Variants in ANKH observed in about 807,000 individuals in gnomAD.
ANKH encodes the protein ANKH inorganic pyrophosphate transport regulator.
A neutral mutation model predicts 49.0 loss-of-function variants in ANKH; 15 were observed. That is an observed-to-expected ratio of 0.31 (90% CI 0.20 to 0.47). ANKH has a LOEUF of 0.47. Ranked by LOEUF, ANKH falls within the 20% of genes least tolerant of loss-of-function variation. ANKH has a pLI of 1.00. For missense variants in ANKH, 429 were observed against 652.0 expected (o/e 0.66, Z 3.72); for synonymous variants, 273 against 260.0 (o/e 1.05, Z -0.48).
chr5:14,841,190 C>T (rs1187629702), intron 1 of ANKH, among the ~76,000 whole-genome samples: 1 of 151,914 alleles, frequency 6.6e-6, no homozygotes, highest in Admixed American at 6.6e-5. Flanking sequence ...AAAACTTAGG[C>T]CTCTTAAGAG....
At chr5:14,730,852 T>G (rs1050614622) in intron 8 of ANKH, among the ~76,000 whole-genome samples, 1 of 152,130 alleles carries the variant, frequency 6.6e-6, no homozygotes. Context: ...CGGGTTCCAC[T>G]GGGATGAGGG....
chr5:14,866,325 GA>G (rs1480639659), intron 1 of ANKH, among the ~76,000 whole-genome samples: 1 of 152,206 alleles, frequency 6.6e-6, no homozygotes, highest in Non-Finnish European at 1.5e-5. Context: ...CTTTGAGCAT[GA>G]AAGAGTAGAT....
chr5:14,789,771 T>C (rs889836413), intron 1 of ANKH, among the ~76,000 whole-genome samples: 7 of 152,130 alleles, frequency 4.6e-5, no homozygotes, highest in African/African-American at 1.7e-4. Flanking sequence ...AGTGCAGTGG[T>C]GCGATCTCAG....
chr5:14,718,119 TAG>T (rs1232187776), intron 8 of ANKH, among the ~76,000 whole-genome samples: 1 of 152,118 alleles, frequency 6.6e-6, no homozygotes, highest in African/African-American at 2.4e-5. Context: ...TCCTGAAAAT[TAG>T]AGTCTCCCAA....
chr5:14,820,963 G>T (rs1224695326), intron 1 of ANKH, among the ~76,000 whole-genome samples: 1 of 152,076 alleles, frequency 6.6e-6, no homozygotes, highest in Non-Finnish European at 1.5e-5. Flanking sequence ...GCTGGGGGTG[G>T]TGGTGACACT....
At chr5:14,814,373 G>T (rs1277859997) in intron 1 of ANKH, among the ~76,000 whole-genome samples, 1 of 152,244 alleles carries the variant, frequency 6.6e-6, no homozygotes, top group Non-Finnish European at 1.5e-5. Flanking sequence ...GGCTGAGGCA[G>T]GAGGACTGTT....
In ANKH at chr5:14,871,520, GGGGCGA is replaced by G; in HGVS notation, c.-79_-74del. The stretch of plus-strand genomic sequence containing the variant: ...ACTCTGCGGGGAGGCGAGGGGCGAC[GGGGCGA>G]CGGGGCGAGCGGGGCGCGGGCCGAC... On this transcript the variant is annotated 5_prime_UTR_variant, in exon 1 of 12. Coordinates refer to ENST00000284268, the MANE Select transcript of ANKH (RefSeq NM_054027.6). 9.2e-7 allele frequency: 1 copy of G among 1,081,388 alleles called. No individual in the cohort carries two copies. Among genetic ancestry groups the G allele is most frequent in the Non-Finnish European group, 1.2e-6 (1 of 805,418 alleles). 67.0% of individuals were successfully genotyped at this position (1,081,388 alleles called of 1,614,324 possible).
At chr5:14,839,520 A>C (rs187198725) in intron 1 of ANKH, among the ~76,000 whole-genome samples, 3 of 151,654 alleles carry the variant, frequency 2.0e-5, no homozygotes, top group Admixed American at 1.3e-4. Flanking sequence ...AAAAAAAAAA[A>C]AAACCCACAG....
chr5:14,709,827 G>C lies in ANKH; in HGVS notation c.*1370C>G, dbSNP rs191464917. ...CAAGCAATCACCGTATTGTATTAGA[G>C]ACATTTTATTGAAAATGCGAAAATA... On this transcript the variant is annotated 3_prime_UTR_variant, in exon 12 of 12. Coordinates refer to ENST00000284268, the MANE Select transcript of ANKH (RefSeq NM_054027.6). 3.5e-4 allele frequency: 53 copies of C among 152,682 alleles called. No homozygotes were observed. Among genetic ancestry groups the C allele is most frequent in the Non-Finnish European group, 6.6e-4 (45 of 68,020 alleles). The allele number at this position is 152,682 out of a possible 1,614,324, so 9.5% of individuals were successfully genotyped here.
chr5:14,720,752 A>G (rs1737632894), intron 8 of ANKH, among the ~76,000 whole-genome samples: 1 of 152,244 alleles, frequency 6.6e-6, no homozygotes. Flanking sequence ...GGGAACCATT[A>G]GCATGCTTTA....
chr5:14,762,783 A>G (rs1462319355), intron 2 of ANKH, among the ~76,000 whole-genome samples: 2 of 152,190 alleles, frequency 1.3e-5, no homozygotes, highest in Admixed American at 1.3e-4. Flanking sequence ...AGAGTCCATA[A>G]TTACCAGGCT....
intron 1 of ANKH, among the ~76,000 whole-genome samples, chr5:14,783,313 C>T (rs1037188101): frequency 1.3e-5 from 2 of 151,668 alleles, no homozygotes; most frequent in African/African-American, 4.8e-5. Flanking sequence ...CACACACACA[C>T]ACACACACAC....
chr5:14,846,084 T>C (rs1010278299), intron 1 of ANKH, among the ~76,000 whole-genome samples: 6 of 152,020 alleles, frequency 3.9e-5, no homozygotes, highest in African/African-American at 1.4e-4. Context: ...CTCGAACTCC[T>C]GGCCTCAAGT....
intron 1 of ANKH, among the ~76,000 whole-genome samples, chr5:14,784,835 A>G (rs1391525657): frequency 6.6e-6 from 1 of 152,094 alleles, no homozygotes; most frequent in African/African-American, 2.4e-5. Context: ...CTCACCTAAA[A>G]TGAGCAAGTG....
intron 1 of ANKH, among the ~76,000 whole-genome samples, chr5:14,823,366 C>T (rs974788900): frequency 1.3e-5 from 2 of 152,082 alleles, no homozygotes; most frequent in Non-Finnish European, 2.9e-5. Flanking sequence ...ATAACAACAA[C>T]AATTTTAAAA....
intron 8 of ANKH, among the ~76,000 whole-genome samples, chr5:14,718,840 A>AAAAAAAAAAAC: frequency 1.1e-5 from 1 of 91,448 alleles, no homozygotes; most frequent in Non-Finnish European, 2.3e-5. Context: ...CCCCCCCCCC[A>AAAAAAAAAAAC]AAAAAAAAAG....
intron 8 of ANKH, among the ~76,000 whole-genome samples, chr5:14,740,445 C>T (rs1738318596): frequency 6.6e-6 from 1 of 152,130 alleles, no homozygotes; most frequent in Non-Finnish European, 1.5e-5. Flanking sequence ...GGGGAACCGG[C>T]CCCGCTCAAA....
Position 14,742,193 on chromosome 5 carries a change from T to C in ANKH, c.916-271A>G, listed in dbSNP as rs153931. 0.35 allele frequency among the ~76,000 whole-genome samples: 53,079 copies of C among 152,076 alleles called. 11,474 individuals are homozygous for C. The highest frequency in any genetic ancestry group is 0.62 in the African/African-American group (25,573 of 41,468). Reference sequence around the variant, plus strand: ...TCCCCTCTGCCTGGGCAGCCCATCTTGCCCAGTCCTGGGGCTTTGGCTCTG... The same window carrying C: ...TCCCCTCTGCCTGGGCAGCCCATCTCGCCCAGTCCTGGGGCTTTGGCTCTG... On this transcript the variant is annotated intron_variant, in intron 7 of 11. Coordinates refer to ENST00000284268, the MANE Select transcript of ANKH (RefSeq NM_054027.6).
In ANKH at chr5:14,741,836, C is replaced by T; in HGVS notation, c.1002G>A (p.Leu334=). Residue 334 remains leucine (L), a synonymous_variant, in exon 8 of 12, where the codon CTG becomes CTA. Coordinates refer to ENST00000284268, the MANE Select transcript of ANKH (RefSeq NM_054027.6). ...GAGCCTCTGTCCTTACCGTGAGTGA[C>T]AGAGCCATGCAGACGAAGGTGAACT... ...IKKFTFVCMA[L]SLTLCFVMFW... is the part of the protein sequence containing the mutation. 1 of 1,613,930 alleles carries T rather than the reference C, an allele frequency of 6.2e-7. No individual in the cohort carries two copies.
Sources: allele counts gnomAD v4.1 joint callset (sites outside exome capture counted in the v4.1 genomes callset), GRCh38; gene constraint gnomAD v4.1.1; transcripts MANE v1.5; gene names NCBI Gene and HGNC (gene_info 2026-07-23, HGNC 2026-07-21).